PEBP4: variants seen among roughly 807,000 people sequenced by gnomAD.
PEBP4 encodes phosphatidylethanolamine-binding protein 4.
A neutral mutation model predicts 23.9 loss-of-function variants in PEBP4; 22 were observed. The ratio of observed to expected loss-of-function variants is 0.92; its 90% CI spans 0.66 to 1.31. The LOEUF is 1.31. PEBP4 is among the 40% of genes most tolerant of loss of function. The pLI is 0.00. For synonymous variants in PEBP4, 112 were observed against 99.3 expected (o/e 1.13, Z -0.76); for missense variants, 324 against 281.7 (o/e 1.15, Z -1.07).
chr8:22,749,511 G>A lies in PEBP4; in HGVS notation c.358-22291C>T, dbSNP rs145892306. On this transcript the variant is annotated intron_variant, in intron 4 of 6. Transcript: ENST00000256404. ...TCAGGGGTGTCACCAGCAAGGGCAC[G>A]GCCACCAAACACAGCCTGTGGATCA... Among the ~76,000 whole-genome samples, 151 of 152,304 alleles carry A rather than the reference G, an allele frequency of 9.9e-4. 1 individual carries two copies. Among genetic ancestry groups the A allele is most frequent in the Non-Finnish European group, 1.6e-3 (112 of 68,022 alleles).
chr8:22,844,273 T>C (rs1807382464), intron 3 of PEBP4, among the ~76,000 whole-genome samples: 1 of 152,194 alleles, frequency 6.6e-6, no homozygotes, highest in South Asian at 2.1e-4. Flanking sequence ...GAGTTTCACT[T>C]TTGTTGCCCA....
chr8:22,793,187 TTTC>T (rs1806175140), intron 4 of PEBP4, among the ~76,000 whole-genome samples: 1 of 152,214 alleles, frequency 6.6e-6, no homozygotes, highest in African/African-American at 2.4e-5. Context: ...TCATTTGCTT[TTTC>T]TTTTCATGTA....
chr8:22,866,693 T>C (rs186957688), intron 3 of PEBP4, among the ~76,000 whole-genome samples: 1 of 151,910 alleles, frequency 6.6e-6, no homozygotes, highest in East Asian at 1.9e-4. Context: ...CCAATTAAAA[T>C]ACATATAAAC....
At chr8:22,789,862 A>G (rs1341381768) in intron 4 of PEBP4, among the ~76,000 whole-genome samples, 1 of 152,256 alleles carries the variant, frequency 6.6e-6, no homozygotes, top group Non-Finnish European at 1.5e-5. Flanking sequence ...ACCGAGTTCA[A>G]CATCTTCGGG....
chr8:22,771,552 T>C (rs1805718031), intron 4 of PEBP4, among the ~76,000 whole-genome samples: 1 of 152,164 alleles, frequency 6.6e-6, no homozygotes, highest in Admixed American at 6.5e-5. Flanking sequence ...GAAATAATAA[T>C]AATATTGACA....
chr8:22,727,344 A>T, intron 4 of PEBP4, 124 bp from the exon 5 acceptor site: 9 of 941,132 alleles, frequency 9.6e-6, no homozygotes, highest in Non-Finnish European at 1.5e-5. Flanking sequence ...ATGGGAGAAG[A>T]AGTAGGATGG....
chr8:22,718,255 G>GTGCA (rs1488154419), intron 6 of PEBP4, among the ~76,000 whole-genome samples: 9 of 152,190 alleles, frequency 5.9e-5, no homozygotes, highest in Non-Finnish European at 1.2e-4. Context: ...TATCCAGCCA[G>GTGCA]TGCATCCCCT....
In PEBP4 at chr8:22,880,188, G is replaced by A. The variant is rs992564106; in HGVS notation, c.258+39996C>T. On this transcript the variant is annotated intron_variant, in intron 3 of 6. Coordinates refer to ENST00000256404, the MANE Select transcript of PEBP4 (RefSeq NM_144962.3). ...GAGGGGTGACAAAGCACAGGCACTC[G>A]AGCCTAGGGGAGACTCAGCTAGAAG... Among the ~76,000 whole-genome samples, 5 of 152,128 alleles carry A rather than the reference G, an allele frequency of 3.3e-5. No homozygotes were observed. In the East Asian group the frequency reaches 7.7e-4, roughly 23 times the overall value.
Position 22,724,937 on chromosome 8 carries a change from T to A in PEBP4, c.423A>T (p.Pro141=). Residue 141 remains proline (P), a synonymous_variant, in exon 6 of 7, where the codon CCA becomes CCT. Transcript: ENST00000256404. The part of the protein sequence containing the change: ...QELSAYQAPS[P]PAHSGFHRYQ... The stretch of plus-strand genomic sequence containing the variant: ...AGCGATGGAAGCCACTGTGTGCCGG[T>A]GGGGAGGGAGCCTGGTAGGCTATAG... 1 of 1,613,896 alleles carries A rather than the reference T, an allele frequency of 6.2e-7. No homozygotes were observed.
chr8:22,833,780 C>T lies in PEBP4; in HGVS notation c.259-16045G>A, dbSNP rs73215010. On this transcript the variant is annotated intron_variant, in intron 3 of 6. Transcript: ENST00000256404. ...CTTAATGTGAGAATCACCAGGGGAACTCTTCAAGCTACCAAGGCTGGGCCC... is the reference window on the plus strand; with the variant it reads ...CTTAATGTGAGAATCACCAGGGGAATTCTTCAAGCTACCAAGGCTGGGCCC... Among the ~76,000 whole-genome samples the T allele has an allele frequency of 1.7e-3, 266 of 152,332 alleles. 1 individual carries two copies. Among genetic ancestry groups the T allele is most frequent in the Non-Finnish European group, 2.3e-3 (159 of 68,034 alleles).
intron 3 of PEBP4, among the ~76,000 whole-genome samples, chr8:22,833,027 C>T (rs898599564): frequency 2.0e-5 from 3 of 152,216 alleles, no homozygotes; most frequent in Non-Finnish European, 2.9e-5. Context: ...CCTGTCTACC[C>T]TGCTTACCCT....
At chr8:22,869,038 T>C (rs1807958396) in intron 3 of PEBP4, among the ~76,000 whole-genome samples, 1 of 152,186 alleles carries the variant, frequency 6.6e-6, no homozygotes, top group South Asian at 2.1e-4. Context: ...ACGCTACTCA[T>C]TCCAGCCACA....
intron 3 of PEBP4, among the ~76,000 whole-genome samples, chr8:22,888,250 T>C (rs1268011437): frequency 6.6e-6 from 1 of 150,444 alleles, no homozygotes; most frequent in Non-Finnish European, 1.5e-5. Context: ...ACCTCCCAGG[T>C]TCAAGCAATT....
chr8:22,928,313 G>A (rs995657651), upstream of PEBP4, among the ~76,000 whole-genome samples: 2 of 152,234 alleles, frequency 1.3e-5, no homozygotes, highest in Non-Finnish European at 2.9e-5. Flanking sequence ...ACTGCTGCAG[G>A]GGGTGGGGGT....
At chr8:22,930,546 C>T (rs188192751), upstream of PEBP4, among the ~76,000 whole-genome samples, 47 of 152,232 alleles carry the variant, frequency 3.1e-4, no homozygotes, top group Non-Finnish European at 5.9e-4. Flanking sequence ...GCATGACACA[C>T]GCCACTTCCG....
At chr8:22,882,667 C>T (rs1419878357) in intron 3 of PEBP4, among the ~76,000 whole-genome samples, 1 of 152,262 alleles carries the variant, frequency 6.6e-6, no homozygotes, top group African/African-American at 2.4e-5. Context: ...CCTCACTGAT[C>T]CTGGAGGGAC....
At chr8:22,937,476 G>A (rs974616625) in intron 1 of PEBP4, among the ~76,000 whole-genome samples, 5 of 152,110 alleles carry the variant, frequency 3.3e-5, no homozygotes, top group Admixed American at 3.3e-4. Context: ...TCATGGAGTG[G>A]AAGACTTAAT....
chr8:22,754,848 G>C (rs921962447), intron 4 of PEBP4: 3 of 152,284 alleles, frequency 2.0e-5, no homozygotes, highest in African/African-American at 7.2e-5. Flanking sequence ...ACCCATCTCT[G>C]CTGTGTGGCC....
At chr8:22,828,749 G>T (rs1194721749) in intron 3 of PEBP4, among the ~76,000 whole-genome samples, 1 of 152,126 alleles carries the variant, frequency 6.6e-6, no homozygotes, top group Non-Finnish European at 1.5e-5. Context: ...AATCTCCTTC[G>T]TGTCCTTGAG....
Sources: allele counts gnomAD v4.1 joint callset (sites outside exome capture counted in the v4.1 genomes callset), GRCh38; gene constraint gnomAD v4.1.1; transcripts MANE v1.5; gene names NCBI Gene and HGNC (gene_info 2026-07-23, HGNC 2026-07-21).